Variants in RPS6KB1 observed in about 807,000 individuals in gnomAD.
RPS6KB1 encodes the protein ribosomal protein S6 kinase B1, also known as ribosomal protein S6 kinase beta-1.
RPS6KB1 carries 12 observed loss-of-function variants against 70.2 expected under a neutral mutation model. That is an observed-to-expected ratio of 0.17 (90% confidence interval 0.11 to 0.28). The LOEUF is 0.28. Ranked by LOEUF, RPS6KB1 falls within the 10% of genes least tolerant of loss-of-function variation. The pLI, the probability that RPS6KB1 is intolerant of heterozygous loss-of-function variation, is 1.00. For synonymous variants in RPS6KB1, 175 were observed against 211.2 expected, an observed-to-expected ratio of 0.83 and a Z score of 1.49; for missense variants, 270 against 646.6, an observed-to-expected ratio of 0.42 and a Z score of 6.32.
At chr17:59,942,104 C>T (rs993383758) in intron 13 of RPS6KB1, among the ~76,000 whole-genome samples, 8 of 151,614 alleles carry the variant, frequency 5.3e-5, no homozygotes, top group African/African-American at 1.9e-4. Context: ...ATGATCCGCC[C>T]GCCTTGGCCT....
At chr17:59,936,629 T>C (rs1451674698) in intron 12 of RPS6KB1, 88 bp downstream of exon 12, 9 of 1,066,590 alleles carry the variant, frequency 8.4e-6, no homozygotes, top group African/African-American at 1.6e-5. Flanking sequence ...GAGGATTGTT[T>C]GAGGCCAGGA....
intron 4 of RPS6KB1, 41 bp downstream of exon 4, chr17:59,914,744 T>G (rs934410120): frequency 7.4e-7 from 1 of 1,346,950 alleles, no homozygotes; most frequent in African/African-American, 1.5e-5. Context: ...CACACCATAT[T>G]TTTACACTTG....
chr17:59,925,840 G>A (rs1014858250), intron 4 of RPS6KB1, among the ~76,000 whole-genome samples: 37 of 151,880 alleles, frequency 2.4e-4, no homozygotes, highest in African/African-American at 8.2e-4. Flanking sequence ...GGAGAATGGG[G>A]TCACGCTTGT....
At position 59,947,396 on chromosome 17, in the gene RPS6KB1, A is replaced by G; in HGVS notation, c.*608A>G. The G allele has an allele frequency of 1.6e-6, 2 of 1,257,070 alleles. No individual in the cohort carries two copies. The highest frequency in any genetic ancestry group is 2.0e-6 in the Non-Finnish European group (2 of 993,510). The allele number at this position is 1,257,070 out of a possible 1,614,324, so 77.9% of individuals were successfully genotyped here. On this transcript the variant is annotated 3_prime_UTR_variant, in exon 15 of 15. Transcript: ENST00000225577. ...AATGCGAAATTATTGGTTGGTGTGA[A>G]GAAAGCCAGACAACTTCTGTTTCTT...
chr17:59,927,278 T>A (rs985842121), intron 5 of RPS6KB1, among the ~76,000 whole-genome samples: 3 of 151,782 alleles, frequency 2.0e-5, no homozygotes, highest in African/African-American at 7.3e-5. Flanking sequence ...AAGATGGGGT[T>A]TCACCATGTT....
intron 1 of RPS6KB1, among the ~76,000 whole-genome samples, chr17:59,898,823 A>G (rs1174544438): frequency 6.6e-6 from 1 of 151,900 alleles, no homozygotes. Flanking sequence ...CATTTCCTCT[A>G]AGTTACTGAA....
Position 59,905,127 on chromosome 17 carries a change from C to G in RPS6KB1, c.142-5435C>G, listed in dbSNP as rs2042190733. ...GACCTCTTGGACTCAAAGCAATCCT[C>G]CTACCTCATCCTCCTGAGTAGCTGG... On this transcript the variant is annotated intron_variant, in intron 1 of 14. Transcript: ENST00000225577. Among the ~76,000 whole-genome samples, 3 of 152,192 alleles carry G rather than the reference C, an allele frequency of 2.0e-5. No homozygotes were observed. The South Asian group carries it at 6.2e-4, about 32-fold the overall frequency.
intron 1 of RPS6KB1, among the ~76,000 whole-genome samples, chr17:59,908,641 C>T (rs938835645): frequency 2.1e-5 from 2 of 95,116 alleles, no homozygotes; most frequent in African/African-American, 4.2e-5. Flanking sequence ...TTTTTTGAGA[C>T]GGAGTCTCGC....
At chr17:59,905,005 C>T (rs954581221) in intron 1 of RPS6KB1, among the ~76,000 whole-genome samples, 2 of 151,922 alleles carry the variant, frequency 1.3e-5, no homozygotes, top group Non-Finnish European at 2.9e-5. Context: ...GCATTCCTTG[C>T]ATATTCTTAT....
chr17:59,943,894 A>G (rs1247227395), intron 13 of RPS6KB1, among the ~76,000 whole-genome samples: 1 of 138,260 alleles, frequency 7.2e-6, no homozygotes, highest in Non-Finnish European at 1.6e-5. Context: ...AAAAAATTAT[A>G]TATATATATA....
rs2041255853 is a variant in RPS6KB1, at chr17:59,893,436, G to GC, written c.141+112dup. 1 of 1,138,526 alleles carries GC rather than the reference G, an allele frequency of 8.8e-7. No homozygotes were observed. Among genetic ancestry groups the GC allele is most frequent in the Non-Finnish European group, 1.2e-6 (1 of 805,250 alleles). 70.5% of individuals were successfully genotyped at this position (1,138,526 alleles called of 1,614,324 possible). A position where few individuals can be genotyped will look rare whatever the true frequency, so the allele number is the denominator to read the frequency against. On this transcript the variant is annotated intron_variant, in intron 1 of 14. Coordinates refer to ENST00000225577, the MANE Select transcript of RPS6KB1 (RefSeq NM_003161.4). This position sits in a 1 kb window ranked among gnomAD's most constrained non-coding sequence, Gnocchi z 4.1. ...GGAGACCCAGGGGGGCTCCTGAGGAGCTGAGGGTCGCGCGGCCTGAGACAG... is the reference window on the plus strand; with the variant it reads ...GGAGACCCAGGGGGGCTCCTGAGGAGCCTGAGGGTCGCGCGGCCTGAGACAG...
At chr17:59,926,076 C>T (rs192274896) in intron 4 of RPS6KB1, among the ~76,000 whole-genome samples, 30 of 152,270 alleles carry the variant, frequency 2.0e-4, no homozygotes, top group African/African-American at 6.0e-4. Flanking sequence ...GGGCTCCTGT[C>T]GACTTTTAGA....
Position 59,948,227 on chromosome 17 carries a change from G to GT in RPS6KB1, c.*1440dup. Reference sequence around the variant, plus strand: ...GAGAGCATTTCCATGACTTTAGCTGGTGAAAGGGTTTAATATCTGCAGAGC... The same window carrying GT: ...GAGAGCATTTCCATGACTTTAGCTGGTTGAAAGGGTTTAATATCTGCAGAGC... On this transcript the variant is annotated 3_prime_UTR_variant, in exon 15 of 15. Coordinates refer to ENST00000225577, the MANE Select transcript of RPS6KB1 (RefSeq NM_003161.4). 1 of 152,708 alleles carries GT rather than the reference G, an allele frequency of 6.5e-6. No individual in the cohort carries two copies. Among genetic ancestry groups the GT allele is most frequent in the East Asian group, 1.9e-4 (1 of 5,188 alleles). The allele number at this position is 152,708 out of a possible 1,614,324, so 9.5% of individuals were successfully genotyped here.
chr17:59,950,461 A>G lies in RPS6KB1; in HGVS notation c.*3673A>G, dbSNP rs1471041223. On this transcript the variant is annotated 3_prime_UTR_variant, in exon 15 of 15. Coordinates refer to ENST00000225577, the MANE Select transcript of RPS6KB1 (RefSeq NM_003161.4). Reference sequence around the variant, plus strand: ...TTTATTTTTTTATTATCTTAAAGATAGGAAGGAATTAGTATACGTATCAGG... The same window carrying G: ...TTTATTTTTTTATTATCTTAAAGATGGGAAGGAATTAGTATACGTATCAGG... The G allele has an allele frequency of 3.3e-5, 5 of 152,376 alleles. No homozygotes were observed. The highest frequency in any genetic ancestry group is 4.8e-5 in the African/African-American group (2 of 41,368). 9.4% of individuals were successfully genotyped at this position (152,376 alleles called of 1,614,324 possible).
chr17:59,907,393 G>T (rs953823220), intron 1 of RPS6KB1: 1 of 152,148 alleles, frequency 6.6e-6, no homozygotes, highest in Non-Finnish European at 1.5e-5. Flanking sequence ...AGTTGAATCC[G>T]TGACCAATTT....
chr17:59,909,473 G>C (rs1021704521), intron 1 of RPS6KB1, among the ~76,000 whole-genome samples: 2 of 145,378 alleles, frequency 1.4e-5, no homozygotes, highest in African/African-American at 5.1e-5. Flanking sequence ...TCATCGTATT[G>C]GCCAGGCCGG....
intron 10 of RPS6KB1, among the ~76,000 whole-genome samples, chr17:59,935,546 C>T (rs1331786496): frequency 6.6e-6 from 1 of 151,718 alleles, no homozygotes; most frequent in Admixed American, 6.6e-5. Flanking sequence ...GCGATCTTGG[C>T]TCACTGCAAC....
At chr17:59,928,787 C>G (rs1025465315) in intron 5 of RPS6KB1, among the ~76,000 whole-genome samples, 8 of 152,180 alleles carry the variant, frequency 5.3e-5, no homozygotes, top group Non-Finnish European at 1.2e-4. Context: ...CTCAGTCTTT[C>G]TTTGACTTTC....
intron 4 of RPS6KB1, among the ~76,000 whole-genome samples, chr17:59,921,440 C>T (rs2043258411): frequency 6.6e-6 from 1 of 152,168 alleles, no homozygotes; most frequent in African/African-American, 2.4e-5. Flanking sequence ...AGTAAGATGA[C>T]TATAGGCTCC....
Sources: allele counts gnomAD v4.1 joint callset (sites outside exome capture counted in the v4.1 genomes callset), GRCh38; gene constraint gnomAD v4.1.1; non-coding constraint Gnocchi (gnomAD v3.1); transcripts MANE v1.5; gene names NCBI Gene and HGNC (gene_info 2026-07-23, HGNC 2026-07-21).